The following AMPD3 variants were observed in gnomAD, a reference collection of about 807,000 sequenced individuals.
AMPD3 encodes AMP deaminase 3.
AMPD3 carries 57 observed loss-of-function variants against 82.3 expected under a neutral mutation model. That is an observed-to-expected ratio of 0.69 (90% CI 0.56 to 0.86). The LOEUF is 0.86. Ranked by LOEUF, AMPD3 falls within the 40% of genes least tolerant of loss-of-function variation. The probability of loss-of-function intolerance (pLI) is 0.00; values close to 1 mark genes in which losing one functional copy is unlikely to be tolerated. For synonymous variants in AMPD3, 381 were observed against 394.7 expected (o/e 0.97, Z 0.41); for missense variants, 870 against 1,003.8 (o/e 0.87, Z 1.80).
chr11:10,451,816 GA>G (rs1486844861), upstream of AMPD3, among the ~76,000 whole-genome samples: 3 of 152,232 alleles, frequency 2.0e-5, no homozygotes, highest in East Asian at 5.8e-4. Context: ...CATCTTCATG[GA>G]AAAGCTGCCT....
At chr11:10,497,390 A>G (rs188477325) in intron 10 of AMPD3, among the ~76,000 whole-genome samples, 18 of 152,238 alleles carry the variant, frequency 1.2e-4, no homozygotes, top group African/African-American at 4.1e-4. Flanking sequence ...CCTAAAGTGT[A>G]TTTCCCTTCC....
intron 7 of AMPD3, among the ~76,000 whole-genome samples, chr11:10,493,956 C>G (rs535726095): frequency 6.6e-6 from 1 of 152,184 alleles, no homozygotes; most frequent in Non-Finnish European, 1.5e-5. Flanking sequence ...ATAGAATTAC[C>G]TATGCCTCAG....
chr11:10,481,991 A>G lies in AMPD3; in HGVS notation c.427-72A>G, dbSNP rs1848921041. The G allele has an allele frequency of 5.0e-6, 8 of 1,600,220 alleles. No homozygotes were observed. The Admixed American group carries it at 1.3e-4, about 27-fold the overall frequency. On this transcript the variant is annotated intron_variant, in intron 3 of 14. Transcript: ENST00000396553. ...ATACCAGGCAAGGGCCAATCTTGCA[A>G]GCACATCTTTCCAAGGATGGCAGTC...
At chr11:10,491,888 G>A (rs568294096) in intron 6 of AMPD3, among the ~76,000 whole-genome samples, 1 of 152,330 alleles carries the variant, frequency 6.6e-6, no homozygotes, top group South Asian at 2.1e-4. Flanking sequence ...TACAGTTCTG[G>A]AGCTTTTGGC....
chr11:10,498,112 A>G (rs941144656), intron 10 of AMPD3, among the ~76,000 whole-genome samples: 1 of 152,174 alleles, frequency 6.6e-6, no homozygotes, highest in Non-Finnish European at 1.5e-5. Context: ...CCCCTATTCT[A>G]TGTTGCCTCC....
intron 2 of AMPD3, chr11:10,477,893 A>G (rs1848786364): frequency 4.1e-6 from 4 of 985,400 alleles, no homozygotes; most frequent in Non-Finnish European, 4.8e-6. Context: ...GCTGCCAGCC[A>G]TGGGGCCTAT....
chr11:10,471,681 C>A (rs571334413), intron 2 of AMPD3, among the ~76,000 whole-genome samples: 150 of 152,168 alleles, frequency 9.9e-4, no homozygotes, highest in African/African-American at 3.4e-3. Flanking sequence ...ATGCAGCCAA[C>A]AAACATATGA....
At chr11:10,485,495 T>A (rs1849042098) in intron 5 of AMPD3, among the ~76,000 whole-genome samples, 1 of 152,108 alleles carries the variant, frequency 6.6e-6, no homozygotes, top group Non-Finnish European at 1.5e-5. Context: ...TGCACCCAAC[T>A]CAGCCTCCCA....
At chr11:10,463,645 G>A (rs1180412143) in intron 2 of AMPD3, among the ~76,000 whole-genome samples, 1 of 152,222 alleles carries the variant, frequency 6.6e-6, no homozygotes, top group African/African-American at 2.4e-5. Context: ...CCACTACAGA[G>A]TGACACTGGG....
At chr11:10,481,926 C>G in intron 3 of AMPD3, 137 bp from the exon 4 acceptor site, 1 of 1,003,198 alleles carries the variant, frequency 1.0e-6, no homozygotes, top group Non-Finnish European at 1.6e-6. Flanking sequence ...TCTTATTGGT[C>G]AAGGAGTGGT....
chr11:10,501,396 G>A, intron 11 of AMPD3, 74 bp from the exon 12 acceptor site: 1 of 1,591,036 alleles, frequency 6.3e-7, no homozygotes, highest in South Asian at 1.1e-5. Flanking sequence ...AGCTGGCCCT[G>A]AGCTGTGGCT....
upstream of AMPD3, chr11:10,450,908 G>T: frequency 8.0e-7 from 1 of 1,244,062 alleles, no homozygotes; most frequent in Non-Finnish European, 1.0e-6. Context: ...GCTGCGGGGC[G>T]CGGCCTGGCC....
chr11:10,496,282 C>T (rs1849397993), intron 9 of AMPD3: 1 of 985,298 alleles, frequency 1.0e-6, no homozygotes, highest in African/African-American at 1.7e-5. Context: ...ACTACCCCCG[C>T]CTTCTTCTCA....
At chr11:10,502,024 A>G (rs1169643700) in intron 12 of AMPD3, 1 of 985,292 alleles carries the variant, frequency 1.0e-6, no homozygotes, top group East Asian at 1.1e-4. Flanking sequence ...AGGGTCTGCC[A>G]CTTTGTCTGT....
At chr11:10,478,053 G>T (rs1848791432) in intron 2 of AMPD3, 7 of 985,440 alleles carry the variant, frequency 7.1e-6, no homozygotes, top group Non-Finnish European at 8.4e-6. Context: ...AATGCAGTGT[G>T]ATTGTCTCTC....
chr11:10,451,788 C>T (rs769075429), upstream of AMPD3, among the ~76,000 whole-genome samples: 4 of 152,206 alleles, frequency 2.6e-5, no homozygotes, highest in Non-Finnish European at 4.4e-5. Context: ...CCTCAGGATG[C>T]AGTGACCAAC....
chr11:10,451,623 G>A (rs12184411), upstream of AMPD3, among the ~76,000 whole-genome samples: 26,898 of 152,136 alleles, frequency 0.18, 2,663 homozygotes, highest in Admixed American at 0.29. Context: ...AGTTTTGAGA[G>A]GCCTTGGAGT....
At chr11:10,492,060 C>T in intron 6 of AMPD3, among the ~76,000 whole-genome samples, 1 of 152,144 alleles carries the variant, frequency 6.6e-6, no homozygotes, top group East Asian at 1.9e-4. Context: ...GATGAGCTGA[C>T]TAAGGAGGCT....
chr11:10,454,629 A>G (rs1848041368), upstream of AMPD3, among the ~76,000 whole-genome samples: 1 of 152,182 alleles, frequency 6.6e-6, no homozygotes, highest in Non-Finnish European at 1.5e-5. Context: ...CTGCACTTTG[A>G]AAAATGCTTG....
Sources: gnomAD v4.1 joint callset for allele counts (sites outside exome capture counted in the v4.1 genomes callset) on GRCh38, gnomAD v4.1.1 for gene constraint, MANE v1.5 for transcripts, NCBI Gene and HGNC (gene_info 2026-07-23, HGNC 2026-07-21) for gene names.